Variants in WWOX observed in about 807,000 individuals in gnomAD.
WWOX encodes WW domain containing oxidoreductase, also known as WW domain-containing oxidoreductase.
In WWOX, 69 loss-of-function variants were observed where a neutral mutation model predicts 46.2. The ratio of observed to expected loss-of-function variants is 1.49; its 90% CI spans 1.23 to 1.82. The LOEUF is 1.82. Ranked by LOEUF, WWOX falls within the 40% of genes most tolerant of loss-of-function variation. The probability of loss-of-function intolerance (pLI) is 0.00; values close to 1 mark genes in which losing one functional copy is unlikely to be tolerated. For missense variants in WWOX, 919 were observed against 542.6 expected (o/e 1.69, Z -6.89); for synonymous variants, 359 against 202.6 (o/e 1.77, Z -6.56).
intron 8 of WWOX, among the ~76,000 whole-genome samples, chr16:79,043,772 C>G (rs1016475297): frequency 6.6e-6 from 1 of 152,198 alleles, no homozygotes; most frequent in African/African-American, 2.4e-5. Context: ...AGACACCTTT[C>G]TTTCTCTGGT....
intron 8 of WWOX, among the ~76,000 whole-genome samples, chr16:79,007,711 G>A (rs78744701): frequency 1.8e-3 from 271 of 152,324 alleles, no homozygotes; most frequent in Admixed American, 3.5e-3. Flanking sequence ...TGACTCACCC[G>A]GTATCATATA....
chr16:79,127,387 C>G (rs534562598), intron 8 of WWOX, among the ~76,000 whole-genome samples: 19 of 152,240 alleles, frequency 1.2e-4, no homozygotes, highest in African/African-American at 4.3e-4. Context: ...ACACCTTGCT[C>G]TTTTTGCTTG....
intron 8 of WWOX, chr16:78,526,415 A>C (rs16947985): frequency 6.6e-6 from 1 of 152,180 alleles, no homozygotes; most frequent in African/African-American, 2.4e-5. Context: ...TGAATCCCCA[A>C]AGGTACATGT....
chr16:78,980,383 G>A (rs1457295563), intron 8 of WWOX, among the ~76,000 whole-genome samples: 2 of 152,092 alleles, frequency 1.3e-5, no homozygotes, highest in African/African-American at 4.8e-5. Flanking sequence ...CAATGTCCTT[G>A]GAATGGTTTT....
intron 5 of WWOX, among the ~76,000 whole-genome samples, chr16:78,314,141 T>C (rs1567494036): frequency 1.3e-5 from 2 of 152,092 alleles, no homozygotes; most frequent in African/African-American, 2.4e-5. Context: ...GCACGATGGC[T>C]GACGCCTGGA....
intron 8 of WWOX, among the ~76,000 whole-genome samples, chr16:78,723,265 C>G (rs1264331476): frequency 6.6e-6 from 1 of 152,150 alleles, no homozygotes; most frequent in Non-Finnish European, 1.5e-5. Flanking sequence ...ATTTTAGAAT[C>G]ACCTGGGAAG....
intron 5 of WWOX, among the ~76,000 whole-genome samples, chr16:78,210,857 G>T (rs565042083): frequency 2.4e-4 from 36 of 152,260 alleles, no homozygotes; most frequent in Admixed American, 1.1e-3. Context: ...CTAAGGCAGT[G>T]TTAATTTCCT....
chr16:78,303,586 C>G (rs561867823), intron 5 of WWOX, among the ~76,000 whole-genome samples: 2 of 152,072 alleles, frequency 1.3e-5, no homozygotes, highest in Non-Finnish European at 2.9e-5. Context: ...CTCTCGTTGC[C>G]CAGTCTGGAG....
chr16:78,571,338 A>T (rs1192847844), intron 8 of WWOX, among the ~76,000 whole-genome samples: 1 of 152,180 alleles, frequency 6.6e-6, no homozygotes, highest in African/African-American at 2.4e-5. Flanking sequence ...TTCATCATAG[A>T]TGACTTTGTG....
At chr16:78,382,302 G>T (rs570875992) in intron 5 of WWOX, among the ~76,000 whole-genome samples, 1 of 152,204 alleles carries the variant, frequency 6.6e-6, no homozygotes, top group African/African-American at 2.4e-5. Flanking sequence ...TCACTATTAA[G>T]TGGAAGTCTT....
At chr16:78,321,284 A>ATG (rs1215656319) in intron 5 of WWOX, among the ~76,000 whole-genome samples, 1 of 124,236 alleles carries the variant, frequency 8.0e-6, no homozygotes, top group Non-Finnish European at 1.6e-5. Context: ...TTAAATATAT[A>ATG]TATATACGTA....
chr16:79,005,383 T>C (rs1287981163), intron 8 of WWOX, among the ~76,000 whole-genome samples: 1 of 152,304 alleles, frequency 6.6e-6, no homozygotes, highest in East Asian at 1.9e-4. Context: ...CCAAGGATGA[T>C]GGCATAGCAC....
intron 8 of WWOX, among the ~76,000 whole-genome samples, chr16:79,068,334 T>C (rs1401259250): frequency 6.6e-6 from 1 of 152,150 alleles, no homozygotes; most frequent in Non-Finnish European, 1.5e-5. Context: ...TATGTCCCAT[T>C]GTGTTATGTG....
chr16:78,430,638 C>T (rs768836121), intron 7 of WWOX, among the ~76,000 whole-genome samples: 11 of 152,110 alleles, frequency 7.2e-5, no homozygotes, highest in Middle Eastern at 3.2e-3. Flanking sequence ...TTGCCTTAGA[C>T]AATTAAGCTT....
At chr16:79,200,550 G>A (rs916626599) in intron 8 of WWOX, among the ~76,000 whole-genome samples, 2 of 152,144 alleles carry the variant, frequency 1.3e-5, no homozygotes, top group African/African-American at 2.4e-5. Flanking sequence ...TGGGGAGTGA[G>A]GATATTGTGC....
intron 4 of WWOX, among the ~76,000 whole-genome samples, chr16:78,159,293 C>G (rs1451459037): frequency 6.6e-6 from 1 of 152,048 alleles, no homozygotes; most frequent in Non-Finnish European, 1.5e-5. Flanking sequence ...TGTTGTGATC[C>G]TGATTTGAGT....
At chr16:78,553,488 G>T (rs1206288679) in intron 8 of WWOX, among the ~76,000 whole-genome samples, 1 of 151,902 alleles carries the variant, frequency 6.6e-6, no homozygotes, top group Non-Finnish European at 1.5e-5. Context: ...CAGTGGTGAG[G>T]GTGTGGCTGT....
intron 4 of WWOX, among the ~76,000 whole-genome samples, chr16:78,133,175 T>C (rs1230926219): frequency 6.6e-6 from 1 of 152,254 alleles, no homozygotes; most frequent in East Asian, 1.9e-4. Context: ...TTTAATCATA[T>C]TTAACTTTTC....
intron 8 of WWOX, among the ~76,000 whole-genome samples, chr16:78,815,372 G>A (rs74031953): frequency 0.14 from 21,897 of 152,044 alleles, 1,767 homozygotes; most frequent in Non-Finnish European, 0.18. Context: ...GCTGACAAGG[G>A]CAGGAGCTGT....
Sources: allele counts gnomAD v4.1 joint callset (sites outside exome capture counted in the v4.1 genomes callset), GRCh38; gene constraint gnomAD v4.1.1; transcripts MANE v1.5; gene names NCBI Gene and HGNC (gene_info 2026-07-23, HGNC 2026-07-21).